ADAMTS14: variants seen among roughly 807,000 people sequenced by gnomAD.
ADAMTS14 encodes ADAM metallopeptidase with thrombospondin type 1 motif 14.
ADAMTS14 carries 100 observed loss-of-function variants against 128.6 expected under a neutral mutation model. The ratio of observed to expected loss-of-function variants is 0.78; its 90% CI spans 0.66 to 0.92. The LOEUF (loss-of-function observed/expected upper bound fraction) is 0.92, where lower values mean the gene tolerates loss of function less well. Among genes scored for constraint, ADAMTS14 ranks in the 40% least tolerant of loss-of-function variants. The probability of loss-of-function intolerance (pLI) is 0.00; values close to 1 mark genes in which losing one functional copy is unlikely to be tolerated. For missense variants in ADAMTS14, 1,562 were observed against 1,658.6 expected (o/e 0.94, Z 1.01); for synonymous variants, 665 against 653.8 (o/e 1.02, Z -0.26).
Position 70,732,243 on chromosome 10 carries a change from C to G in ADAMTS14, c.1103-11C>G, listed in dbSNP as rs1487038209. 3 of 1,613,208 alleles carry G rather than the reference C, an allele frequency of 1.9e-6. No individual in the cohort carries two copies. The highest frequency in any genetic ancestry group is 2.7e-5 in the African/African-American group (2 of 75,032). On this transcript the variant is annotated splice_polypyrimidine_tract_variant and intron_variant, in intron 6 of 21. Transcript: ENST00000373207. ...ACCTCGCTCTCCACCTTTTCTTTCT[C>G]TCTTCGGCAGGGTATGCACCCGTCA... is the stretch of plus-strand genomic sequence containing the variant.
chr10:70,692,884 G>A (rs1269427803), intron 2 of ADAMTS14, among the ~76,000 whole-genome samples: 1 of 152,096 alleles, frequency 6.6e-6, no homozygotes, highest in Non-Finnish European at 1.5e-5. Flanking sequence ...GGACATCTGG[G>A]CATGTGTGGT....
At position 70,760,703 on chromosome 10, in the gene ADAMTS14, A is replaced by T; in HGVS notation, c.3522A>T (p.Gly1174=). The change falls in exon 22 of 22, where the codon GGA becomes GGT. Residue 1174 remains glycine, a synonymous_variant. Transcript: ENST00000373207. ...TTGCCCCTGAGACACCAATCCCTGGAGCATCCTGGAGCATCTCCCCTACCA... is the reference window on the plus strand; with the variant it reads ...TTGCCCCTGAGACACCAATCCCTGGTGCATCCTGGAGCATCTCCCCTACCA... The part of the protein sequence containing the change: ...HPFAPETPIP[G]ASWSISPTTP... 6.2e-7 allele frequency: 1 copy of T among 1,614,086 alleles called. No homozygotes were observed. The highest frequency in any genetic ancestry group is 8.5e-7 in the Non-Finnish European group (1 of 1,179,976).
At chr10:70,686,837 G>GC (rs1839974264) in intron 2 of ADAMTS14, among the ~76,000 whole-genome samples, 1 of 77,424 alleles carries the variant, frequency 1.3e-5, no homozygotes, top group African/African-American at 4.6e-5. Context: ...GGGCAGAGGC[G>GC]CCCCTCACCT....
intron 5 of ADAMTS14, 36 bp downstream of exon 5, chr10:70,729,413 A>T (rs1382996065): frequency 4.5e-6 from 7 of 1,570,184 alleles, no homozygotes; most frequent in Non-Finnish European, 6.1e-6. Context: ...GTTTGCGGGG[A>T]GAAGGGTTGT....
chr10:70,736,075 G>T (rs946980862), intron 9 of ADAMTS14, among the ~76,000 whole-genome samples: 1 of 152,262 alleles, frequency 6.6e-6, no homozygotes, highest in Admixed American at 6.5e-5. Context: ...GTTGTGGGCA[G>T]AGGACAAGGA....
intron 2 of ADAMTS14, among the ~76,000 whole-genome samples, chr10:70,689,248 G>C (rs1840113185): frequency 6.9e-6 from 1 of 145,020 alleles, no homozygotes; most frequent in Admixed American, 6.8e-5. Context: ...TATACCCAAG[G>C]GAGTTTGTTT....
chr10:70,748,575 G>A (rs575851998), intron 15 of ADAMTS14, among the ~76,000 whole-genome samples: 1 of 152,322 alleles, frequency 6.6e-6, no homozygotes, highest in East Asian at 1.9e-4. Flanking sequence ...GGGTGCCTGG[G>A]CTCTGGCCCA....
intron 4 of ADAMTS14, among the ~76,000 whole-genome samples, chr10:70,718,540 C>T (rs1841135481): frequency 6.6e-6 from 1 of 151,842 alleles, no homozygotes; most frequent in Non-Finnish European, 1.5e-5. Flanking sequence ...GGCGTGCCAC[C>T]ACACCCAGGT....
chr10:70,685,872 C>A (rs577707526), intron 2 of ADAMTS14, among the ~76,000 whole-genome samples: 2 of 152,214 alleles, frequency 1.3e-5, no homozygotes, highest in East Asian at 3.9e-4. Flanking sequence ...GAGGCTCCCA[C>A]TATGAGGGGG....
At chr10:70,741,370 A>G (rs1187025739) in intron 12 of ADAMTS14, among the ~76,000 whole-genome samples, 2 of 152,186 alleles carry the variant, frequency 1.3e-5, no homozygotes, top group African/African-American at 4.8e-5. Context: ...CATCCCCATC[A>G]AGGCCATCCC....
At chr10:70,713,142 C>T (rs981576010) in intron 4 of ADAMTS14, among the ~76,000 whole-genome samples, 1 of 152,222 alleles carries the variant, frequency 6.6e-6, no homozygotes, top group Non-Finnish European at 1.5e-5. Flanking sequence ...TGGGGGACCT[C>T]CATGAATTCT....
rs748348986 is a variant in ADAMTS14 at position 70,745,294 on chromosome 10, C to T, written c.2251C>T (p.Pro751Ser). Residue 751 changes from proline to serine, a missense_variant, in exon 15 of 22, where the codon CCC (proline) becomes TCC (serine). Pro to Ser is a moderately conservative substitution (Grantham distance 74). Transcript: ENST00000373207. ...CCAGATTGAGGCACTGGAGAAGTCC[C>T]CCCACCGCATTGGTGAGTGCTGGGG... ...HIQIEALEKSPHRIVVKNQVT... is the reference protein window; with the variant it reads ...HIQIEALEKSSHRIVVKNQVT... 1.2e-6 allele frequency: 2 copies of T among 1,612,546 alleles called. No individual in the cohort carries two copies. Among genetic ancestry groups the T allele is most frequent in the African/African-American group, 1.3e-5 (1 of 75,002 alleles).
intron 2 of ADAMTS14, among the ~76,000 whole-genome samples, 178 bp from the exon 3 acceptor site, chr10:70,702,134 C>A (rs900766065): frequency 4.6e-5 from 7 of 152,214 alleles, no homozygotes; most frequent in African/African-American, 1.4e-4. Context: ...TCCTCCCACT[C>A]CCCTGCCAGG....
In ADAMTS14 at chr10:70,674,694, C is replaced by T. The variant is rs761881397; in HGVS notation, c.221C>T (p.Pro74Leu). ...SAGSMVVDTPPTLPRHSSHLR... is the reference protein window; with the variant it reads ...SAGSMVVDTPLTLPRHSSHLR... ...GGGAGCATGGTAGTGGACACGCCAC[C>T]CACACTACCACGACACTCCAGTCAC... Residue 74 changes from proline (P) to leucine (L), a missense_variant, in exon 2 of 22, where the codon CCC becomes CTC. Pro to Leu is a moderately conservative substitution (Grantham distance 98). Transcript: ENST00000373207. 1 of 1,613,574 alleles carries T rather than the reference C, an allele frequency of 6.2e-7. No individual in the cohort carries two copies. The highest frequency in any genetic ancestry group is 8.5e-7 in the Non-Finnish European group (1 of 1,180,024).
At chr10:70,716,767 T>G (rs1390144269) in intron 4 of ADAMTS14, among the ~76,000 whole-genome samples, 1 of 152,122 alleles carries the variant, frequency 6.6e-6, no homozygotes, top group African/African-American at 2.4e-5. Context: ...ATGGTCCCAT[T>G]GTGCTCTCAA....
intron 18 of ADAMTS14, among the ~76,000 whole-genome samples, 187 bp downstream of exon 18, chr10:70,752,414 C>A (rs1842376790): frequency 6.6e-6 from 1 of 151,948 alleles, no homozygotes; most frequent in Admixed American, 6.6e-5. Context: ...TCTTCTCTGC[C>A]TGATCGTCAG....
In ADAMTS14 at chr10:70,684,840, G is replaced by GCCTGGGTCCTGGGTCCTGGGT. The variant is rs146647999; in HGVS notation, c.522+9860_522+9880dup. On this transcript the variant is annotated intron_variant, in intron 2 of 21. Coordinates refer to ENST00000373207, the MANE Select transcript of ADAMTS14 (RefSeq NM_080722.4). ...CTGTCTGTCTGAGCAGAGGCCCCGG[G>GCCTGGGTCCTGGGTCCTGGGT]CCTGGGTCCTGGGTCCTGGGTCCTG... is the stretch of plus-strand genomic sequence containing the variant. Among the ~76,000 whole-genome samples the GCCTGGGTCCTGGGTCCTGGGT allele has an allele frequency of 3.3e-5, 5 of 151,896 alleles. No homozygotes were observed. The East Asian group carries it at 9.7e-4, about 29-fold the overall frequency.
Position 70,751,497 on chromosome 10 carries a change from G to C in ADAMTS14, c.2447G>C (p.Gly816Ala). 1 of 1,606,614 alleles carries C rather than the reference G, an allele frequency of 6.2e-7. No homozygotes were observed. Among genetic ancestry groups the C allele is most frequent in the Non-Finnish European group, 8.5e-7 (1 of 1,173,814 alleles). ...IAILALPPTEGGPRSSLAYKY... is the reference protein window; with the variant it reads ...IAILALPPTEAGPRSSLAYKY... The stretch of plus-strand genomic sequence containing the variant: ...CCTCAGGCTCTCCCCCCAACTGAGG[G>C]TGGCCCCCGCAGCAGCCTGGCCTAC... The change falls in exon 17 of 22, where the codon GGT becomes GCT. Residue 816 changes from glycine to alanine, a missense_variant. Gly to Ala is a moderately conservative substitution (Grantham distance 60). Coordinates refer to ENST00000373207, the MANE Select transcript of ADAMTS14 (RefSeq NM_080722.4).
chr10:70,753,970 C>G lies in ADAMTS14; in HGVS notation c.2900C>G (p.Pro967Arg). The change falls in exon 19 of 22, where the codon CCC (proline) becomes CGC (arginine). Residue 967 changes from proline (P) to arginine (R), a missense_variant. Coordinates refer to ENST00000373207, the MANE Select transcript of ADAMTS14 (RefSeq NM_080722.4). ...GCCCGACGGCCCTGTCTCCGAGTGC[C>G]CTGCCCAGCCCAGTGGAGGCTGGGA... ...PEARRPCLRV[P>R]CPAQWRLGAW... 6.3e-7 allele frequency: 1 copy of G among 1,579,792 alleles called. No homozygotes were observed. Among genetic ancestry groups the G allele is most frequent in the South Asian group, 1.2e-5 (1 of 86,118 alleles).
Sources: allele counts gnomAD v4.1 joint callset (sites outside exome capture counted in the v4.1 genomes callset), GRCh38; gene constraint gnomAD v4.1.1; transcripts MANE v1.5; gene names NCBI Gene and HGNC (gene_info 2026-07-23, HGNC 2026-07-21).